Variants in MATN3 observed in about 807,000 individuals in gnomAD.
The protein encoded by MATN3 is matrilin-3.
Under a neutral mutation model 45.3 loss-of-function variants are expected in MATN3, and 48 were observed. The ratio of observed to expected loss-of-function variants is 1.06; its 90% confidence interval spans 0.84 to 1.35. The LOEUF (loss-of-function observed/expected upper bound fraction) is 1.35, where lower values mean the gene tolerates loss of function less well. Among genes scored for constraint, MATN3 ranks in the 40% most tolerant of loss-of-function variants. The pLI is 0.00. For missense variants in MATN3, 599 were observed against 628.0 expected (o/e 0.95, Z 0.49); for synonymous variants, 217 against 245.9 (o/e 0.88, Z 1.10).
chr2:20,008,129 A>C (rs1386646601), intron 1 of MATN3, among the ~76,000 whole-genome samples: 1 of 151,970 alleles, frequency 6.6e-6, no homozygotes, highest in Non-Finnish European at 1.5e-5. Context: ...CACCCAGCTA[A>C]TTTTTGTATT....
chr2:20,002,476 C>G (rs976271813), intron 3 of MATN3, among the ~76,000 whole-genome samples: 2 of 152,170 alleles, frequency 1.3e-5, no homozygotes, highest in Middle Eastern at 3.2e-3. Context: ...TTTGCTACTT[C>G]TAGATTCCAT....
At chr2:20,008,423 GA>G (rs1673154273) in intron 1 of MATN3, among the ~76,000 whole-genome samples, 1 of 151,702 alleles carries the variant, frequency 6.6e-6, no homozygotes, top group South Asian at 2.1e-4. Context: ...TACTTAGTAG[GA>G]AAAAAAGGTG....
In MATN3 at chr2:20,006,176, T is replaced by C; in HGVS notation, c.358A>G (p.Thr120Ala). 6.2e-7 allele frequency: 1 copy of C among 1,613,996 alleles called. No homozygotes were observed. Among genetic ancestry groups the C allele is most frequent in the Non-Finnish European group, 8.5e-7 (1 of 1,179,884 alleles). ...GCATAGTTCACCACTGCCACCCGCG[T>C]GTCGGCTGGCCCAATGTCCAGAGTG... ...IDTLDIGPAD[T>A]RVAVVNYAST... The change falls in exon 2 of 8, where the codon ACG (threonine) becomes GCG (alanine). Residue 120 changes from threonine to alanine, a missense_variant. Physicochemically the swap from Thr to Ala is moderately conservative, Grantham distance 58. Coordinates refer to ENST00000407540, the MANE Select transcript of MATN3 (RefSeq NM_002381.5).
rs57140153 is a variant in MATN3, at chr2:20,010,067, T to TAAAAAAAAAAAAAAAAAAAAAAAAAAAAA, written c.223+2341_223+2342insTTTTTTTTTTTTTTTTTTTTTTTTTTTTT. On this transcript the variant is annotated intron_variant, in intron 1 of 7. Coordinates refer to ENST00000407540, the MANE Select transcript of MATN3 (RefSeq NM_002381.5). ...TCTCAGAATAAATCTCTTCAAATAC[T>TAAAAAAAAAAAAAAAAAAAAAAAAAAAAA]AAAAAAAAAAAAAAAAAAAAAAACC... Among the ~76,000 whole-genome samples, 46 of 68,680 alleles carry TAAAAAAAAAAAAAAAAAAAAAAAAAAAAA rather than the reference T, an allele frequency of 6.7e-4. 6 individuals are homozygous for TAAAAAAAAAAAAAAAAAAAAAAAAAAAAA. The highest frequency in any genetic ancestry group is 1.6e-3 in the African/African-American group (22 of 13,858). The allele number at this position is 68,680 out of a possible 152,430, so 45.1% of individuals were successfully genotyped here.
chr2:20,005,681 C>G, intron 2 of MATN3, 63 bp downstream of exon 2: 2 of 1,282,448 alleles, frequency 1.6e-6, no homozygotes. Flanking sequence ...ACTCTTTTCT[C>G]TGGGTACACA....
At chr2:20,011,149 G>T (rs916228776) in intron 1 of MATN3, among the ~76,000 whole-genome samples, 3 of 152,212 alleles carry the variant, frequency 2.0e-5, no homozygotes, top group Non-Finnish European at 4.4e-5. Flanking sequence ...TTATTAATGG[G>T]TTATCATTCA....
intron 2 of MATN3, among the ~76,000 whole-genome samples, chr2:20,004,827 CTA>C (rs2103483456): frequency 6.6e-6 from 1 of 152,204 alleles, no homozygotes; most frequent in African/African-American, 2.4e-5. Flanking sequence ...AAAAAGATAT[CTA>C]TGTTTAAAAA....
At chr2:19,996,348 A>AT (rs1233318780) in intron 6 of MATN3, among the ~76,000 whole-genome samples, 9 of 152,172 alleles carry the variant, frequency 5.9e-5, no homozygotes, top group African/African-American at 1.9e-4. Flanking sequence ...CTAAAATAAA[A>AT]TAAAATTAAA....
chr2:20,012,550 G>C lies in MATN3; in HGVS notation c.82C>G (p.Pro28Ala). 1 of 1,226,364 alleles carries C rather than the reference G, an allele frequency of 8.2e-7. No individual in the cohort carries two copies. Among genetic ancestry groups the C allele is most frequent in the Non-Finnish European group, 1.0e-6 (1 of 984,926 alleles). 76.0% of individuals were successfully genotyped at this position (1,226,364 alleles called of 1,614,324 possible). A position where few individuals can be genotyped will look rare whatever the true frequency, so the allele number is the denominator to read the frequency against. Residue 28 changes from proline (P) to alanine (A), a missense_variant, in exon 1 of 8, where the codon CCC becomes GCC. Coordinates refer to ENST00000407540, the MANE Select transcript of MATN3 (RefSeq NM_002381.5). This position sits in a 1 kb window ranked among gnomAD's most constrained non-coding sequence, Gnocchi z 4.3. ...WPLLLLPSAAPDPVARPGFRR... is the reference protein window; with the variant it reads ...WPLLLLPSAAADPVARPGFRR... ...AAGCCCGGGCGGGCCACGGGGTCGG[G>C]GGCGGCGGAGGGCAGCAGCAGCAGC...
At chr2:20,010,440 C>T (rs1383381004) in intron 1 of MATN3, among the ~76,000 whole-genome samples, 4 of 152,124 alleles carry the variant, frequency 2.6e-5, no homozygotes, top group Non-Finnish European at 5.9e-5. Context: ...GTTACTTTTA[C>T]GTGGCAAAGA....
intron 1 of MATN3, among the ~76,000 whole-genome samples, chr2:20,010,236 AC>A (rs1211801761): frequency 6.6e-6 from 1 of 151,962 alleles, no homozygotes; most frequent in Non-Finnish European, 1.5e-5. Flanking sequence ...GAAGATATGA[AC>A]TCTGTAATTG....
At chr2:19,993,306 T>G (rs995788001) in intron 7 of MATN3, 140 bp from the exon 8 acceptor site, 3 of 715,334 alleles carry the variant, frequency 4.2e-6, no homozygotes, top group African/African-American at 3.6e-5. Flanking sequence ...TCACCAAAAG[T>G]TGAATTCAGT....
intron 1 of MATN3, 68 bp from the exon 2 acceptor site, chr2:20,006,378 T>A: frequency 7.7e-7 from 1 of 1,297,214 alleles, no homozygotes; most frequent in South Asian, 1.5e-5. Context: ...CAGAGAACTC[T>A]GGGATTCCAG....
chr2:19,998,294 A>G (rs1379676834), intron 5 of MATN3, among the ~76,000 whole-genome samples: 1 of 151,590 alleles, frequency 6.6e-6, no homozygotes, highest in Admixed American at 6.6e-5. Context: ...GTTAGTACCC[A>G]CTCTACAGGT....
intron 1 of MATN3, among the ~76,000 whole-genome samples, chr2:20,006,627 A>T (rs778503183): frequency 1.3e-5 from 2 of 152,124 alleles, no homozygotes; most frequent in Non-Finnish European, 2.9e-5. Context: ...ATTCCTGGGA[A>T]TTAATAGATT....
rs1046832179 is a variant in MATN3, at chr2:20,012,457, C to A, written c.175G>T (p.Gly59Cys). The A allele has an allele frequency of 4.9e-6, 6 of 1,229,336 alleles. No homozygotes were observed. Among genetic ancestry groups the A allele is most frequent in the African/African-American group, 4.7e-5 (3 of 64,344 alleles). The allele number at this position is 1,229,336 out of a possible 1,614,324, so 76.2% of individuals were successfully genotyped here. The change falls in exon 1 of 8, where the codon GGC becomes TGC. Residue 59 changes from glycine (G) to cysteine (C), a missense_variant. Transcript: ENST00000407540. This position sits in a 1 kb window ranked among gnomAD's most constrained non-coding sequence, Gnocchi z 4.3. ...GRRPSPAAPD[G>C]APASGTSEPG... ...TCGCTGGTCCCGGAAGCGGGCGCGC[C>A]GTCGGGAGCCGCAGGAGAGGGGCGG...
Position 20,012,483 on chromosome 2 carries a change from C to T in MATN3, c.149G>A (p.Arg50His). Reference protein sequence around the residue: ...ETRGPGGSPGRRPSPAAPDGA... With the variant: ...ETRGPGGSPGHRPSPAAPDGA... Reference sequence around the variant, plus strand: ...GTCGGGAGCCGCAGGAGAGGGGCGGCGTCCAGGGCTGCCCCCGGGACCTCG... The same window carrying T: ...GTCGGGAGCCGCAGGAGAGGGGCGGTGTCCAGGGCTGCCCCCGGGACCTCG... The change falls in exon 1 of 8, where the codon CGC becomes CAC. Residue 50 changes from arginine (R) to histidine (H), a missense_variant. Physicochemically the swap from Arg to His is conservative, Grantham distance 29. Transcript: ENST00000407540. The surrounding 1 kb of genome is among the most constrained non-coding windows in gnomAD (Gnocchi z 4.3). The T allele has an allele frequency of 8.1e-7, 1 of 1,228,624 alleles. No homozygotes were observed. Among genetic ancestry groups the T allele is most frequent in the East Asian group, 3.2e-5 (1 of 31,502 alleles). The allele number at this position is 1,228,624 out of a possible 1,614,324, so 76.1% of individuals were successfully genotyped here. A position where few individuals can be genotyped will look rare whatever the true frequency, so the allele number is the denominator to read the frequency against.
At chr2:19,998,045 C>G (rs1057122082) in intron 5 of MATN3, among the ~76,000 whole-genome samples, 2 of 152,166 alleles carry the variant, frequency 1.3e-5, no homozygotes, top group Admixed American at 6.5e-5. Flanking sequence ...TTGCAGGAAC[C>G]AAAATAGTTT....
intron 1 of MATN3, among the ~76,000 whole-genome samples, chr2:20,007,679 ACT>A (rs2103484855): frequency 6.6e-6 from 1 of 152,282 alleles, no homozygotes; most frequent in South Asian, 2.1e-4. Context: ...CTCTCTTTTG[ACT>A]TATTCATTCA....
Sources: gnomAD v4.1 joint callset for allele counts (sites outside exome capture counted in the v4.1 genomes callset) on GRCh38, gnomAD v4.1.1 for gene constraint, Gnocchi (gnomAD v3.1) non-coding constraint, MANE v1.5 for transcripts, NCBI Gene and HGNC (gene_info 2026-07-23, HGNC 2026-07-21) for gene names.